The following FANCM variants were observed in gnomAD, a reference collection of about 807,000 sequenced individuals.
The protein encoded by FANCM is Fanconi anemia group M protein.
FANCM carries 140 observed loss-of-function variants against 199.5 expected under a neutral mutation model. The observed-to-expected ratio is 0.70, with a 90% CI of 0.61 to 0.81. The LOEUF is 0.81. Among genes scored for constraint, FANCM ranks in the 30% least tolerant of loss-of-function variants. The probability of loss-of-function intolerance (pLI) is 0.00; values close to 1 mark genes in which losing one functional copy is unlikely to be tolerated. For synonymous variants in FANCM, 840 were observed against 836.8 expected (o/e 1.00, Z -0.07); for missense variants, 2,410 against 2,421.4 (o/e 1.00, Z 0.10).
chr14:45,161,675 A>G (rs181428716), intron 9 of FANCM, among the ~76,000 whole-genome samples: 1 of 152,224 alleles, frequency 6.6e-6, no homozygotes, highest in Admixed American at 6.5e-5. Context: ...GCTACCTGGG[A>G]GGCTGAGGAG....
rs768419961 is a variant in FANCM, at chr14:45,136,218, G to A, written c.187G>A (p.Glu63Lys). The A allele has an allele frequency of 1.1e-5, 18 of 1,614,070 alleles. No homozygotes were observed. The Admixed American group carries it at 2.5e-4, about 22-fold the overall frequency. ...DDDVLLVAAY[E>K]AERQLCLENG... ...TGATGTGTTGCTTGTCGCGGCGTACGAGGCTGAGCGGCAGTTGTGTCTAGA... is the reference window on the plus strand; with the variant it reads ...TGATGTGTTGCTTGTCGCGGCGTACAAGGCTGAGCGGCAGTTGTGTCTAGA... Residue 63 changes from glutamate (E) to lysine (K), a missense_variant, in exon 1 of 23, where the codon GAG becomes AAG. By Grantham distance (56) the Glu-to-Lys change is moderately conservative (BLOSUM62 1). Coordinates refer to ENST00000267430, the MANE Select transcript of FANCM (RefSeq NM_020937.4).
rs566935444 is a variant in FANCM, at chr14:45,173,204, C to G, written c.2310C>G (p.His770Gln). Residue 770 changes from histidine (H) to glutamine (Q), a missense_variant, in exon 13 of 23, where the codon CAC (histidine) becomes CAG (glutamine). Transcript: ENST00000267430. ...TGCAAATGATAGAGGGAATGAGACA[C>G]GAAGAGGTGGGGTTTTATTGTAACT... ...GLMQMIEGMR[H>Q]EEGECSYELE... 5.0e-5 allele frequency: 80 copies of G among 1,613,432 alleles called. No individual in the cohort carries two copies. In the South Asian group the frequency reaches 8.0e-4, roughly 16 times the overall value.
rs1886807960 is a variant in FANCM at position 45,151,417 on chromosome 14, T to C, written c.939T>C (p.Arg313=). ...TGCAGATTTTGGAATCATTTGCTCG[T>C]TCTTTGATTCAGAGGAATGTTTTGA... ...TYIQILESFA[R]SLIQRNVLMR... is the part of the protein sequence containing the mutation. The change falls in exon 5 of 23, where the codon CGT becomes CGC. Residue 313 remains arginine (R), a synonymous_variant. Transcript: ENST00000267430. The C allele has an allele frequency of 1.2e-6, 2 of 1,613,726 alleles. No individual in the cohort carries two copies. The highest frequency in any genetic ancestry group is 2.7e-5 in the African/African-American group (2 of 74,946).
At chr14:45,136,818 A>T (rs771552022) in intron 1 of FANCM, among the ~76,000 whole-genome samples, 2 of 152,232 alleles carry the variant, frequency 1.3e-5, no homozygotes, top group South Asian at 4.1e-4. Flanking sequence ...TCAGTTGAAG[A>T]ATTTGCCTCT....
chr14:45,186,939 G>C (rs1413728274), intron 18 of FANCM, among the ~76,000 whole-genome samples: 1 of 152,200 alleles, frequency 6.6e-6, no homozygotes, highest in African/African-American at 2.4e-5. Flanking sequence ...GGAGACTGTT[G>C]AGGTCCTCCA....
At chr14:45,145,352 G>A (rs558022870) in intron 3 of FANCM, among the ~76,000 whole-genome samples, 34 of 152,058 alleles carry the variant, frequency 2.2e-4, no homozygotes, top group South Asian at 4.1e-4. Flanking sequence ...ACTAGGTCAC[G>A]TGCCCCCCAT....
At chr14:45,165,168 A>G (rs1249123609) in intron 10 of FANCM, among the ~76,000 whole-genome samples, 1 of 152,248 alleles carries the variant, frequency 6.6e-6, no homozygotes, top group African/African-American at 2.4e-5. Context: ...TTGTTACACT[A>G]AAGTATTAAC....
chr14:45,191,656 A>C (rs1317334583), intron 20 of FANCM, among the ~76,000 whole-genome samples: 1 of 152,220 alleles, frequency 6.6e-6, no homozygotes, highest in Non-Finnish European at 1.5e-5. Context: ...AAAAGTTTTA[A>C]GTTTTCTACT....
In FANCM at chr14:45,175,672, A is replaced by G. The variant is rs777931462; in HGVS notation, c.2918A>G (p.Asp973Gly). ...FEEELYIVRT[D>G]DQFYNCHSLT... ...GAAGAGCTTTATATTGTTAGAACAG[A>G]TGACCAATTTTATAATTGTCACTCA... is the stretch of plus-strand genomic sequence containing the variant. Residue 973 changes from aspartate to glycine, a missense_variant, in exon 14 of 23, where the codon GAT becomes GGT. By Grantham distance (94) the Asp-to-Gly change is moderately conservative. Transcript: ENST00000267430. 1 of 1,613,628 alleles carries G rather than the reference A, an allele frequency of 6.2e-7. No individual in the cohort carries two copies. Among genetic ancestry groups the G allele is most frequent in the South Asian group, 1.1e-5 (1 of 91,072 alleles).
intron 21 of FANCM, 113 bp from the exon 22 acceptor site, chr14:45,198,531 C>A: frequency 1.6e-6 from 1 of 633,432 alleles, no homozygotes; most frequent in African/African-American, 1.8e-5. Context: ...CAGAATGTGG[C>A]ACCAGTTTGC....
intron 14 of FANCM, among the ~76,000 whole-genome samples, chr14:45,179,818 C>T (rs1888954846): frequency 6.6e-6 from 1 of 152,128 alleles, no homozygotes; most frequent in Admixed American, 6.5e-5. Context: ...CCTCTGCCTC[C>T]CAAAGTGCTG....
At chr14:45,182,816 C>T (rs1889152807) in intron 16 of FANCM, among the ~76,000 whole-genome samples, 1 of 152,172 alleles carries the variant, frequency 6.6e-6, no homozygotes, top group African/African-American at 2.4e-5. Context: ...TACACCTAAT[C>T]TACTGAATAT....
chr14:45,188,946 A>G lies in FANCM; in HGVS notation c.4924A>G (p.Lys1642Glu), dbSNP rs1889582165. Residue 1642 changes from lysine to glutamate, a missense_variant, in exon 20 of 23, where the codon AAA (lysine) becomes GAA (glutamate). By Grantham distance (56) the Lys-to-Glu change is moderately conservative. Transcript: ENST00000267430. Reference sequence around the variant, plus strand: ...TTGCTTTGCAAATAGTAAAAAGTATAAAACTCGACGTGCAGTAATGCTAAA... The same window carrying G: ...TTGCTTTGCAAATAGTAAAAAGTATGAAACTCGACGTGCAGTAATGCTAAA... ...DDCFANSKKY[K>E]TRRAVMLKEM... 3 of 1,613,940 alleles carry G rather than the reference A, an allele frequency of 1.9e-6. No homozygotes were observed. In the South Asian group the frequency reaches 3.3e-5, roughly 18 times the overall value.
chr14:45,166,280 T>C lies in FANCM; in HGVS notation c.1789-670T>C, dbSNP rs563973307. Among the ~76,000 whole-genome samples the C allele has an allele frequency of 3.3e-5, 5 of 151,900 alleles. No individual in the cohort carries two copies. In the East Asian group the frequency reaches 9.7e-4, roughly 30 times the overall value. On this transcript the variant is annotated intron_variant, in intron 10 of 22. Coordinates refer to ENST00000267430, the MANE Select transcript of FANCM (RefSeq NM_020937.4). ...CTGAGTAGCTGGGACTACAGGCGCA[T>C]GCCACCATGCCCGGCTAATTTTTTT...
chr14:45,197,929 A>T (rs1890157263), intron 21 of FANCM, among the ~76,000 whole-genome samples: 1 of 151,296 alleles, frequency 6.6e-6, no homozygotes, highest in Non-Finnish European at 1.5e-5. Context: ...ATGCTCAGCT[A>T]ATTTTTTTTT....
Position 45,196,373 on chromosome 14 carries a change from T to C in FANCM, c.5542T>C (p.Cys1848Arg), listed in dbSNP as rs1156501058. 6.2e-7 allele frequency: 1 copy of C among 1,614,194 alleles called. No individual in the cohort carries two copies. The highest frequency in any genetic ancestry group is 8.5e-7 in the Non-Finnish European group (1 of 1,180,022). Residue 1848 changes from cysteine to arginine, a missense_variant, in exon 21 of 23, where the codon TGT becomes CGT. By Grantham distance (180) the Cys-to-Arg change is radical. Transcript: ENST00000267430. ...RAIHGLQVEV[C>R]PLNGCDYIVS... is the part of the protein sequence containing the mutation. ...AATTCATGGGTTGCAAGTAGAAGTT[T>C]GTCCTCTTAATGGCTGTGATTACAT... is the stretch of plus-strand genomic sequence containing the variant.
In FANCM at chr14:45,176,759, A is replaced by G. The variant is rs1888735204; in HGVS notation, c.4005A>G (p.Lys1335=). ...AGTTTTCTTTACCAGTGCAAAAAAA[A>G]GTTATGAGTACACCACTCTCTAAAT... ...YSQFSLPVQK[K]VMSTPLSKSN... is the part of the protein sequence containing the mutation. Residue 1335 remains lysine, a synonymous_variant, in exon 14 of 23, where the codon AAA becomes AAG. Transcript: ENST00000267430. 3.7e-6 allele frequency: 6 copies of G among 1,612,596 alleles called. No individual in the cohort carries two copies. The highest frequency in any genetic ancestry group is 1.7e-4 in the Middle Eastern group (1 of 6,052).
chr14:45,154,625 T>A, intron 6 of FANCM, 72 bp from the exon 7 acceptor site: 1 of 1,104,876 alleles, frequency 9.1e-7, no homozygotes, highest in Non-Finnish European at 1.3e-6. Flanking sequence ...AAGTTTAATT[T>A]CTTTTTAATA....
At chr14:45,163,922 C>G (rs1371987011) in intron 9 of FANCM, among the ~76,000 whole-genome samples, 1 of 152,096 alleles carries the variant, frequency 6.6e-6, no homozygotes, top group East Asian at 1.9e-4. Context: ...TTTTCCTATT[C>G]TATACTATCC....
Sources: gnomAD v4.1 joint callset for allele counts (sites outside exome capture counted in the v4.1 genomes callset) on GRCh38, gnomAD v4.1.1 for gene constraint, MANE v1.5 for transcripts, NCBI Gene and HGNC (gene_info 2026-07-23, HGNC 2026-07-21) for gene names.